The following WNT3A variants were observed in gnomAD, a reference collection of about 807,000 sequenced individuals.
WNT3A encodes the protein protein Wnt-3a.
In WNT3A, 17 loss-of-function variants were observed where a neutral mutation model predicts 37.0. The observed-to-expected ratio is 0.46, with a 90% CI of 0.31 to 0.69. The LOEUF (loss-of-function observed/expected upper bound fraction) is 0.69. WNT3A is among the 30% of genes least tolerant of loss of function. The probability of loss-of-function intolerance (pLI) is 0.05; values close to 1 mark genes in which losing one functional copy is unlikely to be tolerated. For missense variants in WNT3A, 411 were observed against 510.2 expected (o/e 0.81, Z 1.87); for synonymous variants, 187 against 211.0 (o/e 0.89, Z 0.99).
At chr1:228,012,891 C>T (rs897813101) in intron 1 of WNT3A, among the ~76,000 whole-genome samples, 2 of 152,068 alleles carry the variant, frequency 1.3e-5, no homozygotes, top group African/African-American at 4.8e-5. Flanking sequence ...ACCTGTACAG[C>T]CCCACAGACA....
intron 1 of WNT3A, among the ~76,000 whole-genome samples, chr1:228,016,979 G>A (rs1172619755): frequency 1.3e-5 from 2 of 152,296 alleles, no homozygotes; most frequent in East Asian, 1.9e-4. Flanking sequence ...CAACACTGGG[G>A]GTCGCATTTC....
rs1235051533 is a variant in WNT3A, at chr1:228,059,350, G to A, written c.944G>A (p.Gly315Asp). Reference sequence around the variant, plus strand: ...TGCGACCTGCTGTGCTGCGGCCGCGGCCACAACGCGCGAGCGGAGCGGCGC... The same window carrying A: ...TGCGACCTGCTGTGCTGCGGCCGCGACCACAACGCGCGAGCGGAGCGGCGC... ...DGCDLLCCGR[G>D]HNARAERRRE... The change falls in exon 4 of 4, where the codon GGC becomes GAC. Residue 315 changes from glycine (G) to aspartate (D), a missense_variant. Transcript: ENST00000284523. 6.4e-7 allele frequency: 1 copy of A among 1,565,496 alleles called. No individual in the cohort carries two copies. Among genetic ancestry groups the A allele is most frequent in the Non-Finnish European group, 8.6e-7 (1 of 1,160,096 alleles).
At chr1:228,024,690 G>T (rs2030810973) in intron 2 of WNT3A, among the ~76,000 whole-genome samples, 1 of 152,072 alleles carries the variant, frequency 6.6e-6, no homozygotes, top group Admixed American at 6.6e-5. Flanking sequence ...TTATATAGAT[G>T]TCATACTGAA....
At chr1:228,028,141 T>C (rs1044781243) in intron 2 of WNT3A, among the ~76,000 whole-genome samples, 2 of 152,216 alleles carry the variant, frequency 1.3e-5, no homozygotes, top group African/African-American at 4.8e-5. Flanking sequence ...ATGTGCCTAC[T>C]TTCATACAAG....
At position 228,007,205 on chromosome 1, in the gene WNT3A, T is replaced by A; in HGVS notation, c.71+6T>A. 6.2e-7 allele frequency: 1 copy of A among 1,600,376 alleles called. No homozygotes were observed. Among genetic ancestry groups the A allele is most frequent in the Non-Finnish European group, 8.5e-7 (1 of 1,173,850 alleles). ...GGCAGCTACCCGATCTGGTGGTGAG[T>A]GAGCCTCCTCGCGTTCGCCCCTGCC... On this transcript the variant is annotated splice_donor_region_variant and intron_variant, in intron 1 of 3. Coordinates refer to ENST00000284523, the MANE Select transcript of WNT3A (RefSeq NM_033131.4). This position sits in a 1 kb window ranked among gnomAD's most constrained non-coding sequence, Gnocchi z 6.0.
At chr1:228,054,718 GAAA>G in intron 3 of WNT3A, among the ~76,000 whole-genome samples, 1 of 79,594 alleles carries the variant, frequency 1.3e-5, no homozygotes, top group Non-Finnish European at 2.7e-5. Context: ...AGTTAAACCA[GAAA>G]AAAAAAAAAA....
At chr1:228,027,426 A>G (rs1448822030) in intron 2 of WNT3A, among the ~76,000 whole-genome samples, 2 of 152,188 alleles carry the variant, frequency 1.3e-5, no homozygotes, top group Non-Finnish European at 2.9e-5. Flanking sequence ...CCCCACATCC[A>G]TACCAACATC....
chr1:228,035,867 C>G (rs1008705579), intron 2 of WNT3A, among the ~76,000 whole-genome samples: 1 of 152,194 alleles, frequency 6.6e-6, no homozygotes, highest in East Asian at 1.9e-4. Flanking sequence ...CCTACTACCC[C>G]CTTCTCCTCC....
chr1:228,033,364 C>A (rs2031059306), intron 2 of WNT3A, among the ~76,000 whole-genome samples: 1 of 152,138 alleles, frequency 6.6e-6, no homozygotes. Flanking sequence ...AGGCAGGGAT[C>A]CAATCACATT....
At chr1:228,020,849 G>C (rs2030684264) in intron 1 of WNT3A, among the ~76,000 whole-genome samples, 1 of 152,142 alleles carries the variant, frequency 6.6e-6, no homozygotes. Flanking sequence ...AGGGTGACTA[G>C]GGAGAGGGAG....
intron 2 of WNT3A, among the ~76,000 whole-genome samples, chr1:228,027,300 G>A (rs755969814): frequency 6.6e-6 from 1 of 152,190 alleles, no homozygotes; most frequent in East Asian, 1.9e-4. Flanking sequence ...CCAGTAGTGG[G>A]ATTGCTAGAT....
intron 2 of WNT3A, among the ~76,000 whole-genome samples, chr1:228,043,013 A>AGATGGATG (rs537700236): frequency 6.7e-6 from 1 of 149,622 alleles, no homozygotes; most frequent in Non-Finnish European, 1.5e-5. Flanking sequence ...GGTAATGGAT[A>AGATGGATG]GATGGATGGA....
Position 228,035,719 on chromosome 1 carries a change from C to T in WNT3A, c.313+12811C>T, listed in dbSNP as rs2031120553. On this transcript the variant is annotated intron_variant, in intron 2 of 3. Coordinates refer to ENST00000284523, the MANE Select transcript of WNT3A (RefSeq NM_033131.4). ...CTAAGGTGCCAGCGTTGGGTTGGGG[C>T]GGGGAGCCCCCATTTCCGGTTGTTT... is the stretch of plus-strand genomic sequence containing the variant. Among the ~76,000 whole-genome samples the T allele has an allele frequency of 1.3e-5, 2 of 152,288 alleles. 1 individual carries two copies.
chr1:228,030,318 C>T (rs2030969042), intron 2 of WNT3A, among the ~76,000 whole-genome samples: 1 of 151,134 alleles, frequency 6.6e-6, no homozygotes, highest in African/African-American at 2.4e-5. Flanking sequence ...ATCACTTGAA[C>T]CTGGGAGGCG....
In WNT3A at chr1:228,040,495, C is replaced by T. The variant is rs144413315; in HGVS notation, c.314-10161C>T. Among the ~76,000 whole-genome samples, 1,268 of 152,270 alleles carry T rather than the reference C, an allele frequency of 8.3e-3. 20 individuals carry two copies. The highest frequency in any genetic ancestry group is 0.029 in the African/African-American group (1,189 of 41,550). Reference sequence around the variant, plus strand: ...TTCTTTGCCACTTAAAAGACAGTCACTGCGTAATAAATAGTGGCAACTGAG... The same window carrying T: ...TTCTTTGCCACTTAAAAGACAGTCATTGCGTAATAAATAGTGGCAACTGAG... On this transcript the variant is annotated intron_variant, in intron 2 of 3. Transcript: ENST00000284523.
At chr1:228,056,046 T>G (rs116731709) in intron 3 of WNT3A, among the ~76,000 whole-genome samples, 1 of 152,338 alleles carries the variant, frequency 6.6e-6, no homozygotes, top group Non-Finnish European at 1.5e-5. Flanking sequence ...GGATGGAAGA[T>G]TCTGCTCTGG....
chr1:228,016,789 G>A (rs1239383412), intron 1 of WNT3A, among the ~76,000 whole-genome samples: 3 of 152,116 alleles, frequency 2.0e-5, no homozygotes, highest in South Asian at 2.1e-4. Context: ...AGTCAAAGGG[G>A]AGGTACGTGT....
chr1:228,029,697 C>T (rs1184311950), intron 2 of WNT3A, among the ~76,000 whole-genome samples: 1 of 152,082 alleles, frequency 6.6e-6, no homozygotes, highest in African/African-American at 2.4e-5. Flanking sequence ...GCCACCTTAC[C>T]CTCCTCCCTG....
intron 2 of WNT3A, among the ~76,000 whole-genome samples, chr1:228,030,512 A>C (rs2102768858): frequency 6.6e-6 from 1 of 152,294 alleles, no homozygotes; most frequent in South Asian, 2.1e-4. Context: ...GGTCTGACCC[A>C]GTGAGAAAGA....
Sources: allele counts gnomAD v4.1 joint callset (sites outside exome capture counted in the v4.1 genomes callset), GRCh38; gene constraint gnomAD v4.1.1; non-coding constraint Gnocchi (gnomAD v3.1); transcripts MANE v1.5; gene names NCBI Gene and HGNC (gene_info 2026-07-23, HGNC 2026-07-21).